Variants in MYOM2 observed in about 807,000 individuals in gnomAD.
MYOM2 encodes the protein myomesin-2.
In MYOM2, 254 loss-of-function variants were observed where a neutral mutation model predicts 187.6. The ratio of observed to expected loss-of-function variants is 1.35; its 90% CI spans 1.22 to 1.50. The LOEUF is 1.50. Among genes scored for constraint, MYOM2 ranks in the 40% most tolerant of loss-of-function variants. The pLI is 0.00. For synonymous variants in MYOM2, 981 were observed against 753.8 expected (o/e 1.30, Z -4.94); for missense variants, 2,796 against 1,924.0 (o/e 1.45, Z -8.48).
chr8:2,059,277 C>T (rs368863743), intron 6 of MYOM2, 32 bp downstream of exon 6: 45 of 1,593,214 alleles, frequency 2.8e-5, no homozygotes, highest in Middle Eastern at 1.7e-4. Context: ...TGGACGCTGG[C>T]GTCCAGTAAT....
At chr8:2,075,443 TG>T (rs1362810647) in intron 10 of MYOM2, among the ~76,000 whole-genome samples, 1 of 152,160 alleles carries the variant, frequency 6.6e-6, no homozygotes, top group Non-Finnish European at 1.5e-5. Flanking sequence ...TTTGGCTCAA[TG>T]TCAGGAAATC....
Position 2,073,328 on chromosome 8 carries a change from C to G in MYOM2, c.959-11C>G, listed in dbSNP as rs375879799. The G allele has an allele frequency of 2.5e-6, 4 of 1,597,396 alleles. No individual in the cohort carries two copies. Among genetic ancestry groups the G allele is most frequent in the Non-Finnish European group, 3.4e-6 (4 of 1,169,830 alleles). The stretch of plus-strand genomic sequence containing the variant: ...TTTGGATGCAAACCTTCCGTGTTAA[C>G]GCTCTTTCAGACGTGCTGTTGAAAG... On this transcript the variant is annotated splice_polypyrimidine_tract_variant and intron_variant, in intron 9 of 36. Coordinates refer to ENST00000262113, the MANE Select transcript of MYOM2 (RefSeq NM_003970.4).
intron 32 of MYOM2, among the ~76,000 whole-genome samples, chr8:2,133,543 C>G (rs911943154): frequency 6.6e-6 from 1 of 152,224 alleles, no homozygotes; most frequent in Non-Finnish European, 1.5e-5. Context: ...TCACTGCAAC[C>G]TCTGCCTCCT....
chr8:2,122,005 C>G (rs1797475929), intron 28 of MYOM2, among the ~76,000 whole-genome samples: 1 of 152,148 alleles, frequency 6.6e-6, no homozygotes, highest in South Asian at 2.1e-4. Context: ...AGGACAAATA[C>G]ATTAATTACA....
intron 31 of MYOM2, chr8:2,127,756 G>T (rs61121655): frequency 4.2e-5 from 5 of 119,820 alleles, no homozygotes; most frequent in East Asian, 5.0e-4. Context: ...TGACGCGGTG[G>T]CGCAGCCGCA....
intron 31 of MYOM2, among the ~76,000 whole-genome samples, chr8:2,126,812 G>T (rs1272450919): frequency 7.1e-6 from 1 of 141,660 alleles, no homozygotes; most frequent in Non-Finnish European, 1.5e-5. Flanking sequence ...GGGGGAGGCT[G>T]ATAAAGTCTG....
At chr8:2,109,330 T>C in intron 24 of MYOM2, 65 bp from the exon 25 acceptor site, 2 of 1,482,568 alleles carry the variant, frequency 1.3e-6, no homozygotes, top group Non-Finnish European at 1.8e-6. Context: ...TCCCTACAAT[T>C]TGCAGGTATT....
intron 14 of MYOM2, among the ~76,000 whole-genome samples, chr8:2,088,540 G>C (rs754776371): frequency 6.6e-6 from 1 of 152,206 alleles, no homozygotes; most frequent in South Asian, 2.1e-4. Flanking sequence ...TTCTGTTCCT[G>C]TGTCAATTCA....
intron 30 of MYOM2, among the ~76,000 whole-genome samples, 158 bp from the exon 31 acceptor site, chr8:2,124,021 C>T (rs543224095): frequency 2.0e-5 from 3 of 152,162 alleles, no homozygotes; most frequent in African/African-American, 7.2e-5. Context: ...AAGGATTTAT[C>T]GCACACATAA....
chr8:2,070,943 G>A (rs1400109819), intron 8 of MYOM2, among the ~76,000 whole-genome samples: 1 of 152,186 alleles, frequency 6.6e-6, no homozygotes, highest in East Asian at 1.9e-4. Flanking sequence ...GGCATTGGCA[G>A]TGGCTTTTTA....
At chr8:2,084,520 G>A (rs1048117044) in intron 13 of MYOM2, among the ~76,000 whole-genome samples, 1 of 152,080 alleles carries the variant, frequency 6.6e-6, no homozygotes, top group East Asian at 1.9e-4. Flanking sequence ...CAAGAACTGT[G>A]GGTCTGGAAA....
chr8:2,046,213 C>T (rs1818306351), intron 1 of MYOM2, among the ~76,000 whole-genome samples: 1 of 152,192 alleles, frequency 6.6e-6, no homozygotes, highest in African/African-American at 2.4e-5. Flanking sequence ...GTACTTCAAA[C>T]ATTTTTGCAA....
chr8:2,141,051 A>G (rs1318949394), intron 33 of MYOM2, 90 bp from the exon 34 acceptor site: 2 of 1,388,138 alleles, frequency 1.4e-6, no homozygotes, highest in Non-Finnish European at 2.0e-6. Flanking sequence ...ATCAGTTTTC[A>G]TGAACCAGAT....
intron 25 of MYOM2, among the ~76,000 whole-genome samples, chr8:2,114,070 C>T (rs773493070): frequency 1.3e-5 from 2 of 152,098 alleles, no homozygotes; most frequent in Non-Finnish European, 2.9e-5. Context: ...CAAGCCTCAC[C>T]CGGGGGCATC....
At chr8:2,123,745 A>T (rs1279648389) in intron 30 of MYOM2, 103 bp downstream of exon 30, 1 of 963,254 alleles carries the variant, frequency 1.0e-6, no homozygotes, top group Non-Finnish European at 1.6e-6. Context: ...GCTATAGCAC[A>T]CATTGTGTCT....
Position 2,117,042 on chromosome 8 carries a change from G to C in MYOM2, c.3385+767G>C, listed in dbSNP as rs189307759. 5.8e-3 allele frequency among the ~76,000 whole-genome samples: 884 copies of C among 152,278 alleles called. 6 individuals carry two copies. The highest frequency in any genetic ancestry group is 0.019 in the African/African-American group (774 of 41,552). The stretch of plus-strand genomic sequence containing the variant: ...CCTCCCAAAGTGCTGGGATTACAGG[G>C]GTGATCCACTGCGCCCAGCCTCAAA... On this transcript the variant is annotated intron_variant, in intron 27 of 36. Transcript: ENST00000262113.
chr8:2,132,587 C>CTCTCTCTCTCTT (rs139645257), intron 32 of MYOM2, among the ~76,000 whole-genome samples: 1 of 151,948 alleles, frequency 6.6e-6, no homozygotes, highest in Non-Finnish European at 1.5e-5. Flanking sequence ...CTCTTTCTCT[C>CTCTCTCTCTCTT]TCTCTCTCTC....
intron 18 of MYOM2, among the ~76,000 whole-genome samples, chr8:2,097,672 G>A (rs1463072784): frequency 3.9e-5 from 6 of 152,062 alleles, no homozygotes; most frequent in African/African-American, 9.6e-5. Flanking sequence ...CCACCACCAC[G>A]CCCGGCTAAT....
In MYOM2 at chr8:2,145,064, C is replaced by G; in HGVS notation, c.*83C>G. On this transcript the variant is annotated 3_prime_UTR_variant, in exon 37 of 37. Coordinates refer to ENST00000262113, the MANE Select transcript of MYOM2 (RefSeq NM_003970.4). Reference sequence around the variant, plus strand: ...GTGCTTGTTCCAAATGAGCAGCTGGCATCCGAGTGGTGTCCTGTGTGGGCT... The same window carrying G: ...GTGCTTGTTCCAAATGAGCAGCTGGGATCCGAGTGGTGTCCTGTGTGGGCT... 6.8e-7 allele frequency: 1 copy of G among 1,471,612 alleles called. No homozygotes were observed. Among genetic ancestry groups the G allele is most frequent in the South Asian group, 1.2e-5 (1 of 82,782 alleles). 91.2% of individuals were successfully genotyped at this position (1,471,612 alleles called of 1,614,324 possible).
Sources: allele counts gnomAD v4.1 joint callset (sites outside exome capture counted in the v4.1 genomes callset), GRCh38; gene constraint gnomAD v4.1.1; transcripts MANE v1.5; gene names NCBI Gene and HGNC (gene_info 2026-07-23, HGNC 2026-07-21).